The following F2 variants were observed in gnomAD, a reference collection of about 807,000 sequenced individuals.
The protein encoded by F2 is prothrombin.
In F2, 34 loss-of-function variants were observed where a neutral mutation model predicts 81.9. That is an observed-to-expected ratio of 0.42 (90% CI 0.32 to 0.55). The LOEUF is 0.55. Among genes scored for constraint, F2 ranks in the 20% least tolerant of loss-of-function variants. The pLI, the probability that F2 is intolerant of heterozygous loss-of-function variation, is 0.18. For synonymous variants in F2, 296 were observed against 326.4 expected, an observed-to-expected ratio of 0.91 and a Z score of 1.01; for missense variants, 630 against 833.4, an observed-to-expected ratio of 0.76 and a Z score of 3.00.
rs375072599 is a variant in F2 at position 46,727,883 on chromosome 11, C to T, written c.1131-113C>T. Reference sequence around the variant, plus strand: ...CCAGCCCAAGCTTGGATCTGGGCCCCGGAGGCAGCTCTGCCCAGCTGGGTT... The same window carrying T: ...CCAGCCCAAGCTTGGATCTGGGCCCTGGAGGCAGCTCTGCCCAGCTGGGTT... On this transcript the variant is annotated intron_variant, in intron 9 of 13. Transcript: ENST00000311907. 45 of 1,288,406 alleles carry T rather than the reference C, an allele frequency of 3.5e-5. No homozygotes were observed. In the East Asian group the frequency reaches 5.6e-4, roughly 16 times the overall value. The allele number at this position is 1,288,406 out of a possible 1,614,324, so 79.8% of individuals were successfully genotyped here. A position where few individuals can be genotyped will look rare whatever the true frequency, so the allele number is the denominator to read the frequency against.
intron 12 of F2, among the ~76,000 whole-genome samples, chr11:46,733,782 CTT>C (rs34296052): frequency 0.042 from 3,770 of 88,988 alleles, 7 homozygotes; most frequent in Non-Finnish European, 0.052. Flanking sequence ...GATTAAGGAC[CTT>C]TTTTTTTTTT....
Position 46,719,795 on chromosome 11 carries a change from G to C in F2, c.173G>C (p.Arg58Pro). Residue 58 changes from arginine to proline, a missense_variant, in exon 2 of 14, where the codon CGA (arginine) becomes CCA (proline). Transcript: ENST00000311907. This position sits in a 1 kb window ranked among gnomAD's most constrained non-coding sequence, Gnocchi z 4.7. Reference protein sequence around the residue: ...LEEVRKGNLERECVEETCSYE... With the variant: ...LEEVRKGNLEPECVEETCSYE... ...GAGGTGCGCAAGGGCAACCTGGAGC[G>C]AGAGTGCGTGGAGGAGACGTGCAGC... 1 of 1,595,722 alleles carries C rather than the reference G, an allele frequency of 6.3e-7. No homozygotes were observed. The highest frequency in any genetic ancestry group is 8.5e-7 in the Non-Finnish European group (1 of 1,172,094).
Position 46,726,268 on chromosome 11 carries a change from G to A in F2, c.874+95G>A. On this transcript the variant is annotated intron_variant, in intron 7 of 13. Transcript: ENST00000311907. The surrounding 1 kb of genome is among the most constrained non-coding windows in gnomAD (Gnocchi z 5.9). Reference sequence around the variant, plus strand: ...GCTTATCGAACGCTTACCTCATTGAGTGCGCTCATTACAGCCTTACAGTAA... The same window carrying A: ...GCTTATCGAACGCTTACCTCATTGAATGCGCTCATTACAGCCTTACAGTAA... 2.0e-6 allele frequency: 3 copies of A among 1,529,278 alleles called. No homozygotes were observed. In the South Asian group the frequency reaches 3.5e-5, roughly 18 times the overall value. 94.7% of individuals were successfully genotyped at this position (1,529,278 alleles called of 1,614,324 possible). A position where few individuals can be genotyped will look rare whatever the true frequency, so the allele number is the denominator to read the frequency against.
At chr11:46,736,333 G>A (rs2064944272) in intron 12 of F2, among the ~76,000 whole-genome samples, 1 of 152,212 alleles carries the variant, frequency 6.6e-6, no homozygotes, top group South Asian at 2.1e-4. Flanking sequence ...TGCCCAGGCT[G>A]ATTTCAAACT....
chr11:46,720,771 A>G lies in F2; in HGVS notation c.266-19A>G. The G allele has an allele frequency of 6.2e-7, 1 of 1,613,902 alleles. No individual in the cohort carries two copies. Among genetic ancestry groups the G allele is most frequent in the Non-Finnish European group, 8.5e-7 (1 of 1,179,862 alleles). ...GGCCATACCCCAATCCCAAAGGTAA[A>G]CACCTGGGTCTTTTCCAGCTTGTGA... On this transcript the variant is annotated intron_variant, in intron 3 of 13. Transcript: ENST00000311907.
intron 12 of F2, among the ~76,000 whole-genome samples, chr11:46,730,796 A>ATATATATATATATATATATATATG (rs942052249): frequency 1.4e-5 from 2 of 142,200 alleles, no homozygotes; most frequent in Non-Finnish European, 3.2e-5. Context: ...TTATATATAT[A>ATATATATATATATATATATATATG]TATGCATAGT....
At position 46,721,912 on chromosome 11, in the gene F2, G is replaced by A. The variant is rs3136445; in HGVS notation, c.316+1072G>A. On this transcript the variant is annotated intron_variant, in intron 4 of 13. Coordinates refer to ENST00000311907, the MANE Select transcript of F2 (RefSeq NM_000506.5). ...GGCTGGAGTGCAGCAGCGCGATCTC[G>A]GCTCGCTGCAACCTCCGCCTAGCGG... is the stretch of plus-strand genomic sequence containing the variant. Among the ~76,000 whole-genome samples the A allele has an allele frequency of 2.9e-3, 432 of 150,354 alleles. 5 individuals carry two copies. Among genetic ancestry groups the A allele is most frequent in the African/African-American group, 0.01 (413 of 40,776 alleles).
At position 46,728,667 on chromosome 11, in the gene F2, C is replaced by T. The variant is rs201030466; in HGVS notation, c.1302C>T (p.Tyr434=). Residue 434 remains tyrosine (Y), a synonymous_variant, in exon 11 of 14, where the codon TAC becomes TAT. Transcript: ENST00000311907. The surrounding 1 kb of genome is among the most constrained non-coding windows in gnomAD (Gnocchi z 5.1). Reference sequence around the variant, plus strand: ...TTCTTTCTTGGGGTCTCTGCAGGTACGAGCGAAACATTGAAAAGATATCCA... The same window carrying T: ...TTCTTTCTTGGGGTCTCTGCAGGTATGAGCGAAACATTGAAAAGATATCCA... ...VRIGKHSRTR[Y]ERNIEKISML... 48 of 1,614,056 alleles carry T rather than the reference C, an allele frequency of 3.0e-5. No individual in the cohort carries two copies. Among genetic ancestry groups the T allele is most frequent in the African/African-American group, 2.7e-4 (20 of 74,936 alleles).
rs771829437 is a variant in F2 at position 46,719,218 on chromosome 11, C to T, written c.-18C>T. On this transcript the variant is annotated 5_prime_UTR_variant, in exon 1 of 14. Coordinates refer to ENST00000311907, the MANE Select transcript of F2 (RefSeq NM_000506.5). This position sits in a 1 kb window ranked among gnomAD's most constrained non-coding sequence, Gnocchi z 4.7. ...GTCAGGACAGACAATTCCTCAGTGA[C>T]CCAGGAGCTGACACACTATGGCGCA... 1 of 1,613,560 alleles carries T rather than the reference C, an allele frequency of 6.2e-7. No individual in the cohort carries two copies. Among genetic ancestry groups the T allele is most frequent in the Non-Finnish European group, 8.5e-7 (1 of 1,179,854 alleles).
rs2064852174 is a variant in F2 at position 46,723,507 on chromosome 11, T to C, written c.548T>C (p.Ile183Thr). Residue 183 changes from isoleucine (I) to threonine (T), a missense_variant, in exon 6 of 14, where the codon ATC becomes ACC. Physicochemically the swap from Ile to Thr is moderately conservative, Grantham distance 89. Coordinates refer to ENST00000311907, the MANE Select transcript of F2 (RefSeq NM_000506.5). This position sits in a 1 kb window ranked among gnomAD's most constrained non-coding sequence, Gnocchi z 5.6. Reference sequence around the variant, plus strand: ...ACCGTGAGGAGGCAGGAATGCAGCATCCCTGTCTGTGGTAAGCTGGGGGCA... The same window carrying C: ...ACCGTGAGGAGGCAGGAATGCAGCACCCCTGTCTGTGGTAAGCTGGGGGCA... ...DPTVRRQECS[I>T]PVCGQDQVTV... 3 of 1,612,966 alleles carry C rather than the reference T, an allele frequency of 1.9e-6. No homozygotes were observed. The highest frequency in any genetic ancestry group is 2.2e-5 in the South Asian group (2 of 90,912).
rs758602163 is a variant in F2 at position 46,723,162 on chromosome 11, G to A, written c.317-18G>A. On this transcript the variant is annotated intron_variant, in intron 4 of 13. Transcript: ENST00000311907. The surrounding 1 kb of genome is among the most constrained non-coding windows in gnomAD (Gnocchi z 5.6). ...AAGTCCCCAGGCTCCAAGGCTGACCGGGGTGGGGTCTCCGCAGGTAACTGT... is the reference window on the plus strand; with the variant it reads ...AAGTCCCCAGGCTCCAAGGCTGACCAGGGTGGGGTCTCCGCAGGTAACTGT... 35 of 1,610,830 alleles carry A rather than the reference G, an allele frequency of 2.2e-5. 1 individual carries two copies. The highest frequency in any genetic ancestry group is 5.0e-5 in the Admixed American group (3 of 60,006).
At chr11:46,721,669 G>A (rs191762290) in intron 4 of F2, among the ~76,000 whole-genome samples, 8 of 152,260 alleles carry the variant, frequency 5.3e-5, no homozygotes, top group African/African-American at 1.7e-4. Context: ...GTGTTCTGAA[G>A]GCACCTTTAG....
chr11:46,734,708 G>T (rs965798822), intron 12 of F2, among the ~76,000 whole-genome samples: 10 of 152,162 alleles, frequency 6.6e-5, no homozygotes, highest in Non-Finnish European at 1.0e-4. Flanking sequence ...CTACTCAGGA[G>T]ACTGAGGCTG....
In F2 at chr11:46,719,972, C is replaced by T; in HGVS notation, c.240+110C>T. ...CCACAGCCCCTTCGCTGCTCACAGC[C>T]TCATTTCAACTCTGAGCCCCTCCTC... On this transcript the variant is annotated intron_variant, in intron 2 of 13. Coordinates refer to ENST00000311907, the MANE Select transcript of F2 (RefSeq NM_000506.5). This position sits in a 1 kb window ranked among gnomAD's most constrained non-coding sequence, Gnocchi z 4.7. The T allele has an allele frequency of 2.1e-6, 3 of 1,400,076 alleles. No individual in the cohort carries two copies. The highest frequency in any genetic ancestry group is 2.9e-6 in the Non-Finnish European group (3 of 1,026,636). 86.7% of individuals were successfully genotyped at this position (1,400,076 alleles called of 1,614,324 possible).
intron 12 of F2, among the ~76,000 whole-genome samples, chr11:46,738,217 T>A (rs1026313410): frequency 1.6e-4 from 25 of 152,100 alleles, no homozygotes; most frequent in African/African-American, 6.0e-4. Flanking sequence ...GCCAGGCTGG[T>A]CTTAAACTCC....
intron 12 of F2, among the ~76,000 whole-genome samples, chr11:46,734,630 G>A (rs1000082186): frequency 6.6e-6 from 1 of 152,048 alleles, no homozygotes; most frequent in African/African-American, 2.4e-5. Flanking sequence ...GGCCAACATG[G>A]TGAAACCCTG....
Position 46,723,551 on chromosome 11 carries a change from A to G in F2, c.559+33A>G. 1 of 1,587,806 alleles carries G rather than the reference A, an allele frequency of 6.3e-7. No homozygotes were observed. The highest frequency in any genetic ancestry group is 8.6e-7 in the Non-Finnish European group (1 of 1,165,850). On this transcript the variant is annotated intron_variant, in intron 6 of 13. Transcript: ENST00000311907. The surrounding 1 kb of genome is among the most constrained non-coding windows in gnomAD (Gnocchi z 5.6). Reference sequence around the variant, plus strand: ...GGGGGCAGTGGGGCGGCCCATGGCCAAGGCCCGGGGGCTTCATGGGGCCTG... The same window carrying G: ...GGGGGCAGTGGGGCGGCCCATGGCCGAGGCCCGGGGGCTTCATGGGGCCTG...
At position 46,723,122 on chromosome 11, in the gene F2, A is replaced by C; in HGVS notation, c.317-58A>C. The C allele has an allele frequency of 2.0e-6, 3 of 1,480,564 alleles. No individual in the cohort carries two copies. Among genetic ancestry groups the C allele is most frequent in the Non-Finnish European group, 2.8e-6 (3 of 1,058,424 alleles). The allele number at this position is 1,480,564 out of a possible 1,614,324, so 91.7% of individuals were successfully genotyped here. Reference sequence around the variant, plus strand: ...GGAGGTGGGGGATAGACAACTTTGCAGGGAGAGAGGAAATAAGTCCCCAGG... The same window carrying C: ...GGAGGTGGGGGATAGACAACTTTGCCGGGAGAGAGGAAATAAGTCCCCAGG... On this transcript the variant is annotated intron_variant, in intron 4 of 13. Transcript: ENST00000311907. This position sits in a 1 kb window ranked among gnomAD's most constrained non-coding sequence, Gnocchi z 5.6.
At chr11:46,737,985 T>A (rs1474806588) in intron 12 of F2, among the ~76,000 whole-genome samples, 2 of 152,038 alleles carry the variant, frequency 1.3e-5, no homozygotes, top group Non-Finnish European at 2.9e-5. Flanking sequence ...CAGAGGTACA[T>A]GCCACCATGT....
Sources: allele counts gnomAD v4.1 joint callset (sites outside exome capture counted in the v4.1 genomes callset), GRCh38; gene constraint gnomAD v4.1.1; non-coding constraint Gnocchi (gnomAD v3.1); transcripts MANE v1.5; gene names NCBI Gene and HGNC (gene_info 2026-07-23, HGNC 2026-07-21).